Variants in ARHGAP28 observed in about 807,000 individuals in gnomAD.
ARHGAP28 encodes the protein rho GTPase-activating protein 28.
Under a neutral mutation model 90.7 loss-of-function variants are expected in ARHGAP28, and 56 were observed. The ratio of observed to expected loss-of-function variants is 0.62; its 90% CI spans 0.50 to 0.77. The LOEUF (loss-of-function observed/expected upper bound fraction) is 0.77. Among genes scored for constraint, ARHGAP28 ranks in the 30% least tolerant of loss-of-function variants. The probability of loss-of-function intolerance (pLI) is 0.00; values close to 1 mark genes in which losing one functional copy is unlikely to be tolerated. For missense variants in ARHGAP28, 869 were observed against 900.9 expected (o/e 0.96, Z 0.45); for synonymous variants, 308 against 323.3 (o/e 0.95, Z 0.51).
intron 1 of ARHGAP28, among the ~76,000 whole-genome samples, chr18:6,774,913 C>G (rs1022798361): frequency 6.6e-6 from 1 of 152,300 alleles, no homozygotes; most frequent in East Asian, 1.9e-4. Flanking sequence ...TTTCCGTGGC[C>G]TCTGTCTACC....
intron 1 of ARHGAP28, among the ~76,000 whole-genome samples, chr18:6,757,416 A>G (rs1430167974): frequency 1.3e-5 from 2 of 152,208 alleles, no homozygotes; most frequent in African/African-American, 4.8e-5. Context: ...AAATGAGAAC[A>G]GAAGCTTGAC....
At chr18:6,819,640 A>T (rs913666233) in intron 1 of ARHGAP28, among the ~76,000 whole-genome samples, 1 of 152,198 alleles carries the variant, frequency 6.6e-6, no homozygotes, top group African/African-American at 2.4e-5. Flanking sequence ...TCCCCACTCA[A>T]CAACTCTGCC....
intron 3 of ARHGAP28, among the ~76,000 whole-genome samples, chr18:6,850,246 A>G (rs2056899142): frequency 6.6e-6 from 1 of 152,186 alleles, no homozygotes; most frequent in Admixed American, 6.5e-5. Flanking sequence ...ATAATTATAA[A>G]TGTTCTTCTC....
chr18:6,892,592 G>A (rs1348837151), intron 14 of ARHGAP28, among the ~76,000 whole-genome samples: 2 of 152,148 alleles, frequency 1.3e-5, no homozygotes, highest in Non-Finnish European at 2.9e-5. Flanking sequence ...GACATTTTGA[G>A]TATTATAATG....
rs187794881 is a variant in ARHGAP28, at chr18:6,826,748, C to A, written c.325+1784C>A. On this transcript the variant is annotated intron_variant, in intron 2 of 17. Transcript: ENST00000383472. Reference sequence around the variant, plus strand: ...TGTTTCTCACAGAGGGGGATTTGGCCGGGTCATAGGACAATAGTGGAGGGA... The same window carrying A: ...TGTTTCTCACAGAGGGGGATTTGGCAGGGTCATAGGACAATAGTGGAGGGA... 4.8e-4 allele frequency among the ~76,000 whole-genome samples: 70 copies of A among 145,374 alleles called. 1 individual carries two copies. Among genetic ancestry groups the A allele is most frequent in the Non-Finnish European group, 9.7e-4 (65 of 67,002 alleles).
intron 1 of ARHGAP28, among the ~76,000 whole-genome samples, chr18:6,821,440 C>G (rs745944580): frequency 5.9e-5 from 9 of 152,150 alleles, no homozygotes; most frequent in Non-Finnish European, 1.2e-4. Flanking sequence ...GCTGATGAAG[C>G]CTAAACTCCA....
chr18:6,826,403 A>C (rs2056663423), intron 2 of ARHGAP28, among the ~76,000 whole-genome samples: 1 of 151,326 alleles, frequency 6.6e-6, no homozygotes, highest in Non-Finnish European at 1.5e-5. Flanking sequence ...ATAGTTTGTG[A>C]ATATTTTCTC....
intron 1 of ARHGAP28, among the ~76,000 whole-genome samples, chr18:6,777,749 A>AATGG (rs564755968): frequency 1.3e-5 from 2 of 150,610 alleles, no homozygotes; most frequent in African/African-American, 4.9e-5. Context: ...TGAATGAATG[A>AATGG]GTGAATGAAT....
At chr18:6,763,451 T>C (rs1314351444) in intron 1 of ARHGAP28, among the ~76,000 whole-genome samples, 1 of 152,188 alleles carries the variant, frequency 6.6e-6, no homozygotes, top group Admixed American at 6.5e-5. Context: ...TTGCCAGACA[T>C]GTACAGATGA....
intron 1 of ARHGAP28, among the ~76,000 whole-genome samples, chr18:6,767,773 T>C (rs1193878393): frequency 6.6e-6 from 1 of 152,218 alleles, no homozygotes; most frequent in Non-Finnish European, 1.5e-5. Flanking sequence ...TTTCAGCAAT[T>C]ACATCATTAT....
intron 2 of ARHGAP28, among the ~76,000 whole-genome samples, chr18:6,831,222 G>A (rs941269819): frequency 6.6e-6 from 1 of 152,028 alleles, no homozygotes; most frequent in Non-Finnish European, 1.5e-5. Context: ...GTCTTTTCAT[G>A]CATCTTGCTT....
chr18:6,857,567 G>A (rs1475868936), intron 4 of ARHGAP28, among the ~76,000 whole-genome samples: 1 of 152,194 alleles, frequency 6.6e-6, no homozygotes, highest in Admixed American at 6.5e-5. Context: ...TGTGCCTCCA[G>A]TGGAGGGAGA....
intron 10 of ARHGAP28, 115 bp from the exon 11 acceptor site, chr18:6,882,022 A>T (rs1044610930): frequency 3.9e-5 from 37 of 942,434 alleles, no homozygotes; most frequent in Admixed American, 2.9e-5. Flanking sequence ...CTTGGTAGAC[A>T]TTACCTTACC....
intron 4 of ARHGAP28, among the ~76,000 whole-genome samples, chr18:6,851,873 T>C (rs1250101139): frequency 6.6e-6 from 1 of 152,072 alleles, no homozygotes; most frequent in Admixed American, 6.6e-5. Flanking sequence ...ATTGATTGGC[T>C]CCTGGGGACA....
At chr18:6,874,114 G>T (rs926067157) in intron 9 of ARHGAP28, among the ~76,000 whole-genome samples, 3 of 152,162 alleles carry the variant, frequency 2.0e-5, no homozygotes, top group African/African-American at 7.2e-5. Context: ...GTGTTTGTGT[G>T]TGCATTTGAT....
At chr18:6,892,198 C>T (rs781035731) in intron 14 of ARHGAP28, among the ~76,000 whole-genome samples, 7 of 152,138 alleles carry the variant, frequency 4.6e-5, no homozygotes, top group Non-Finnish European at 7.3e-5. Flanking sequence ...AGTATATTCA[C>T]GATGTCCTGC....
chr18:6,850,760 A>G, intron 3 of ARHGAP28: 2 of 1,485,750 alleles, frequency 1.3e-6, no homozygotes, highest in South Asian at 2.6e-5. Context: ...TGATATTCAT[A>G]AGTTAGGAAA....
intron 1 of ARHGAP28, among the ~76,000 whole-genome samples, chr18:6,757,858 C>T (rs1200014888): frequency 4.6e-5 from 7 of 152,096 alleles, no homozygotes; most frequent in African/African-American, 1.7e-4. Flanking sequence ...TCAAGGCACA[C>T]AAGCAGGAGT....
At chr18:6,899,148 C>T (rs1028758875) in intron 16 of ARHGAP28, among the ~76,000 whole-genome samples, 1 of 152,112 alleles carries the variant, frequency 6.6e-6, no homozygotes, top group African/African-American at 2.4e-5. Flanking sequence ...CCCAATTTTG[C>T]ATCTTTCACT....
Sources: allele counts gnomAD v4.1 joint callset (sites outside exome capture counted in the v4.1 genomes callset), GRCh38; gene constraint gnomAD v4.1.1; transcripts MANE v1.5; gene names NCBI Gene and HGNC (gene_info 2026-07-23, HGNC 2026-07-21).